The following ITFG1 variants were observed in gnomAD, a reference collection of about 807,000 sequenced individuals.
ITFG1 encodes T-cell immunomodulatory protein.
ITFG1 carries 34 observed loss-of-function variants against 81.8 expected under a neutral mutation model. The ratio of observed to expected loss-of-function variants is 0.42; its 90% CI spans 0.32 to 0.55. The LOEUF (loss-of-function observed/expected upper bound fraction) is 0.55. Among genes scored for constraint, ITFG1 ranks in the 20% least tolerant of loss-of-function variants. The pLI, the probability that ITFG1 is intolerant of heterozygous loss-of-function variation, is 0.17. For missense variants in ITFG1, 672 were observed against 755.4 expected (o/e 0.89, Z 1.29); for synonymous variants, 285 against 270.6 (o/e 1.05, Z -0.52).
intron 6 of ITFG1, among the ~76,000 whole-genome samples, chr16:47,415,148 TATTCC>T (rs1262653496): frequency 6.6e-6 from 1 of 152,242 alleles, no homozygotes; most frequent in Non-Finnish European, 1.5e-5. Context: ...ATGATACATA[TATTCC>T]ATTGTTGGAC....
intron 4 of ITFG1, among the ~76,000 whole-genome samples, chr16:47,452,510 T>C (rs1315971749): frequency 6.6e-6 from 1 of 152,164 alleles, no homozygotes; most frequent in African/African-American, 2.4e-5. Flanking sequence ...ATGGACACAT[T>C]TGAAGCGACT....
chr16:47,326,696 T>C (rs935314837), intron 8 of ITFG1, among the ~76,000 whole-genome samples: 11 of 151,152 alleles, frequency 7.3e-5, no homozygotes, highest in Non-Finnish European at 1.2e-4. Context: ...AAACAGAGAG[T>C]CAAATCATGA....
At chr16:47,292,956 C>G (rs1966927056) in intron 10 of ITFG1, among the ~76,000 whole-genome samples, 1 of 150,920 alleles carries the variant, frequency 6.6e-6, no homozygotes, top group Admixed American at 6.6e-5. Context: ...GCCTCCAATT[C>G]CATCCTTGTT....
chr16:47,351,773 A>C (rs992811944), intron 8 of ITFG1, among the ~76,000 whole-genome samples: 1 of 152,198 alleles, frequency 6.6e-6, no homozygotes, highest in Non-Finnish European at 1.5e-5. Flanking sequence ...AAGCCAAAAG[A>C]AGAAAGGTGG....
At chr16:47,257,851 G>T (rs968833409) in intron 12 of ITFG1, among the ~76,000 whole-genome samples, 4 of 152,182 alleles carry the variant, frequency 2.6e-5, no homozygotes, top group Non-Finnish European at 5.9e-5. Flanking sequence ...CTAAAAGAGA[G>T]AAATGTCTGA....
At chr16:47,416,665 C>G (rs537980063) in intron 6 of ITFG1, among the ~76,000 whole-genome samples, 4 of 152,184 alleles carry the variant, frequency 2.6e-5, no homozygotes, top group Admixed American at 2.0e-4. Context: ...GGCATTCCCC[C>G]CTCTCTCTCT....
intron 5 of ITFG1, among the ~76,000 whole-genome samples, chr16:47,446,867 CTT>C (rs765157745): frequency 1.9e-4 from 27 of 143,078 alleles, no homozygotes; most frequent in Non-Finnish European, 1.4e-4. Context: ...CTGGTTTTTT[CTT>C]TTTTTTTTTT....
intron 8 of ITFG1, among the ~76,000 whole-genome samples, chr16:47,323,346 G>C (rs1373769416): frequency 6.6e-6 from 1 of 152,082 alleles, no homozygotes; most frequent in African/African-American, 2.4e-5. Context: ...TAATCAAAGT[G>C]CCATAAGAAA....
Position 47,424,425 on chromosome 16 carries a change from A to G in ITFG1, c.655+4379T>C, listed in dbSNP as rs188884078. Among the ~76,000 whole-genome samples the G allele has an allele frequency of 2.0e-3, 303 of 152,252 alleles. 4 individuals carry two copies. Among genetic ancestry groups the G allele is most frequent in the African/African-American group, 7.2e-3 (299 of 41,558 alleles). ...TGCTATTAACGATCTTCTGAAGCCT[A>G]CTTCTGTCAACTCATCAAACTCATT... On this transcript the variant is annotated intron_variant, in intron 6 of 17. Coordinates refer to ENST00000320640, the MANE Select transcript of ITFG1 (RefSeq NM_030790.5).
At chr16:47,280,062 G>A (rs1446034007) in intron 10 of ITFG1, among the ~76,000 whole-genome samples, 1 of 151,982 alleles carries the variant, frequency 6.6e-6, no homozygotes, top group Non-Finnish European at 1.5e-5. Context: ...CACCTCAATA[G>A]GGGAAGTCTG....
intron 13 of ITFG1, among the ~76,000 whole-genome samples, chr16:47,233,160 C>T (rs1442897676): frequency 6.6e-6 from 1 of 152,184 alleles, no homozygotes; most frequent in African/African-American, 2.4e-5. Flanking sequence ...AATGTTGTCA[C>T]TCTAGTTCTC....
intron 10 of ITFG1, among the ~76,000 whole-genome samples, chr16:47,306,364 T>C (rs781125236): frequency 2.6e-5 from 4 of 152,178 alleles, no homozygotes; most frequent in Non-Finnish European, 4.4e-5. Flanking sequence ...ACATTTATAT[T>C]TGCAATGCCA....
intron 14 of ITFG1, among the ~76,000 whole-genome samples, chr16:47,188,923 C>CT (rs1567418642): frequency 6.6e-6 from 1 of 152,072 alleles, no homozygotes; most frequent in African/African-American, 2.4e-5. Context: ...TGCCACCATG[C>CT]CCAGCTAATT....
At chr16:47,451,201 T>C (rs1245059726) in intron 5 of ITFG1, among the ~76,000 whole-genome samples, 195 bp downstream of exon 5, 1 of 152,140 alleles carries the variant, frequency 6.6e-6, no homozygotes, top group Non-Finnish European at 1.5e-5. Flanking sequence ...TTCAAAGAGA[T>C]AAAAGGAGTA....
At chr16:47,286,076 G>A (rs1432456819) in intron 10 of ITFG1, among the ~76,000 whole-genome samples, 2 of 152,180 alleles carry the variant, frequency 1.3e-5, no homozygotes, top group East Asian at 3.9e-4. Flanking sequence ...CTTGGGGCAA[G>A]TTGGGTTCCC....
chr16:47,236,291 C>T (rs540304877), intron 13 of ITFG1, among the ~76,000 whole-genome samples: 16 of 151,904 alleles, frequency 1.1e-4, no homozygotes, highest in African/African-American at 3.1e-4. Flanking sequence ...CTGGCTAACA[C>T]GGTAAAACCC....
At chr16:47,180,838 C>T (rs1052607931) in intron 14 of ITFG1, among the ~76,000 whole-genome samples, 6 of 151,574 alleles carry the variant, frequency 4.0e-5, no homozygotes, top group Non-Finnish European at 8.8e-5. Flanking sequence ...CTCTGCCTGG[C>T]CGCCCATCGT....
chr16:47,374,459 AG>A (rs1271035532), intron 7 of ITFG1, among the ~76,000 whole-genome samples: 4 of 152,274 alleles, frequency 2.6e-5, no homozygotes, highest in East Asian at 1.9e-4. Flanking sequence ...CAGATACTTA[AG>A]GGTGTTTCAT....
chr16:47,339,670 T>C (rs1017088321), intron 8 of ITFG1, among the ~76,000 whole-genome samples: 5 of 151,444 alleles, frequency 3.3e-5, no homozygotes, highest in African/African-American at 1.2e-4. Flanking sequence ...ACATCAAGTG[T>C]GAGGAGCACA....
Sources: allele counts gnomAD v4.1 joint callset (sites outside exome capture counted in the v4.1 genomes callset), GRCh38; gene constraint gnomAD v4.1.1; transcripts MANE v1.5; gene names NCBI Gene and HGNC (gene_info 2026-07-23, HGNC 2026-07-21).